Variants in CFAP58 observed in about 807,000 individuals in gnomAD.
CFAP58 encodes the protein cilia- and flagella-associated protein 58.
Under a neutral mutation model 119.5 loss-of-function variants are expected in CFAP58, and 88 were observed. That is an observed-to-expected ratio of 0.74 (90% CI 0.62 to 0.88). CFAP58 has a LOEUF of 0.88. Ranked by LOEUF, CFAP58 falls within the 40% of genes least tolerant of loss-of-function variation. The pLI is 0.00. For synonymous variants in CFAP58, 365 were observed against 366.3 expected (o/e 1.00, Z 0.04); for missense variants, 990 against 1,021.2 (o/e 0.97, Z 0.42).
intron 17 of CFAP58, 82 bp from the exon 18 acceptor site, chr10:104,454,340 C>A: frequency 9.1e-7 from 1 of 1,097,362 alleles, no homozygotes; most frequent in Non-Finnish European, 1.4e-6. Context: ...TTTTCAGTGG[C>A]TAACACACCC....
At chr10:104,441,336 TCA>T in intron 15 of CFAP58, among the ~76,000 whole-genome samples, 1 of 152,314 alleles carries the variant, frequency 6.6e-6, no homozygotes, top group East Asian at 1.9e-4. Context: ...CCTAGAACAG[TCA>T]CACACATAGA....
chr10:104,350,935 A>G (rs2014452388), upstream of CFAP58, among the ~76,000 whole-genome samples: 1 of 152,228 alleles, frequency 6.6e-6, no homozygotes. Context: ...GGACATGGGA[A>G]GACACACAGC....
At chr10:104,389,152 G>A (rs2011983969) in intron 9 of CFAP58, among the ~76,000 whole-genome samples, 3 of 152,058 alleles carry the variant, frequency 2.0e-5, no homozygotes, top group African/African-American at 7.2e-5. Flanking sequence ...CATGACTTTG[G>A]CCTGAATGAT....
chr10:104,365,878 TAGAGAAAG>T lies in CFAP58; in HGVS notation c.665_672del (p.Glu222AlafsTer44). The T allele has an allele frequency of 6.2e-7, 1 of 1,612,842 alleles. No individual in the cohort carries two copies. The highest frequency in any genetic ancestry group is 8.5e-7 in the Non-Finnish European group (1 of 1,179,632). On this transcript the variant is annotated frameshift_variant, in exon 5 of 18. Transcript: ENST00000369704. LOFTEE classifies it high-confidence loss of function. ...CGGGAGTTCCGGAAGAAGGAAAAACTAGAGAAAGAGCTCAAGCAGATTCAGGCAGACAT... is the reference window on the plus strand; with the variant it reads ...CGGGAGTTCCGGAAGAAGGAAAAACTAGCTCAAGCAGATTCAGGCAGACAT...
chr10:104,384,148 C>T (rs1427269498), intron 9 of CFAP58, among the ~76,000 whole-genome samples: 2 of 152,144 alleles, frequency 1.3e-5, no homozygotes, highest in Non-Finnish European at 2.9e-5. Flanking sequence ...AAGATGGGAA[C>T]ATGTTTCTAA....
At chr10:104,358,909 TA>T (rs1291982701) in intron 2 of CFAP58, among the ~76,000 whole-genome samples, 1 of 152,246 alleles carries the variant, frequency 6.6e-6, no homozygotes, top group East Asian at 1.9e-4. Flanking sequence ...GGAATCTCAA[TA>T]TATCTTATTT....
chr10:104,406,709 T>C lies in CFAP58; in HGVS notation c.2172T>C (p.Tyr724=). 1.2e-6 allele frequency: 2 copies of C among 1,614,194 alleles called. No homozygotes were observed. The highest frequency in any genetic ancestry group is 1.7e-6 in the Non-Finnish European group (2 of 1,180,028). ...RKLEASDPNA[Y]ELIQKIHTLQ... is the part of the protein sequence containing the mutation. ...GACAGGCCAGCGACCCCAATGCATATGAGCTGATACAGAAAATTCACACCC... is the reference window on the plus strand; with the variant it reads ...GACAGGCCAGCGACCCCAATGCATACGAGCTGATACAGAAAATTCACACCC... Residue 724 remains tyrosine (Y), a synonymous_variant, in exon 15 of 18, where the codon TAT becomes TAC. Coordinates refer to ENST00000369704, the MANE Select transcript of CFAP58 (RefSeq NM_001008723.2).
chr10:104,438,349 T>G lies in CFAP58; in HGVS notation c.2257-9349T>G, dbSNP rs967687519. On this transcript the variant is annotated intron_variant, in intron 15 of 17. Coordinates refer to ENST00000369704, the MANE Select transcript of CFAP58 (RefSeq NM_001008723.2). ...TTGTTTTTTTGTTTTTTGTTTTTTG[T>G]TTTTTTTTTTTGTTTTTTTTTTTTG... is the stretch of plus-strand genomic sequence containing the variant. Among the ~76,000 whole-genome samples, 9 of 76,928 alleles carry G rather than the reference T, an allele frequency of 1.2e-4. 1 individual carries two copies. The highest frequency in any genetic ancestry group is 6.4e-4 in the African/African-American group (7 of 11,022). The allele number at this position is 76,928 out of a possible 152,430, so 50.5% of individuals were successfully genotyped here.
intron 3 of CFAP58, among the ~76,000 whole-genome samples, chr10:104,364,427 AACACAC>A (rs66757511): frequency 0.03 from 4,329 of 142,130 alleles, 82 homozygotes; most frequent in South Asian, 0.07. Context: ...ATGTCTGTAA[AACACAC>A]ACACACACAC....
At chr10:104,379,814 G>A (rs1432803046) in intron 8 of CFAP58, among the ~76,000 whole-genome samples, 2 of 152,190 alleles carry the variant, frequency 1.3e-5, no homozygotes, top group Non-Finnish European at 2.9e-5. Flanking sequence ...TTTCTTAGGG[G>A]CGTTGTGGTT....
intron 15 of CFAP58, among the ~76,000 whole-genome samples, chr10:104,425,255 T>G (rs1286589856): frequency 6.6e-6 from 1 of 152,164 alleles, no homozygotes; most frequent in Non-Finnish European, 1.5e-5. Flanking sequence ...TGGAAACAAA[T>G]GAAAAGGGCA....
intron 1 of CFAP58, among the ~76,000 whole-genome samples, chr10:104,357,539 G>A (rs77039345): frequency 0.012 from 1,765 of 152,234 alleles, 44 homozygotes; most frequent in African/African-American, 0.041. Context: ...GCAGGGCCCA[G>A]TGAAAAGAGA....
At chr10:104,346,094 G>GA in the CFAP58 span, among the ~76,000 whole-genome samples, 1 of 151,970 alleles carries the variant, frequency 6.6e-6, no homozygotes, top group Non-Finnish European at 1.5e-5. Context: ...GGTGGAAGGC[G>GA]AAGTGTGAGC....
chr10:104,420,155 G>C (rs1290526022), intron 15 of CFAP58, among the ~76,000 whole-genome samples: 1 of 150,148 alleles, frequency 6.7e-6, no homozygotes, highest in Non-Finnish European at 1.5e-5. Context: ...ATTGTGTTCA[G>C]CTTCATTAAG....
chr10:104,386,383 A>T (rs12264774), intron 9 of CFAP58, among the ~76,000 whole-genome samples: 4,789 of 149,878 alleles, frequency 0.032, 237 homozygotes, highest in African/African-American at 0.11. Context: ...ATCTCAAAAA[A>T]AAAAAAATAA....
chr10:104,431,703 C>T (rs2012850229), intron 15 of CFAP58, among the ~76,000 whole-genome samples: 1 of 152,118 alleles, frequency 6.6e-6, no homozygotes, highest in African/African-American at 2.4e-5. Context: ...TCTGCCTTTT[C>T]CAGAGGCAAC....
intron 16 of CFAP58, among the ~76,000 whole-genome samples, chr10:104,448,398 T>C (rs1020088358): frequency 2.6e-5 from 4 of 152,258 alleles, no homozygotes; most frequent in African/African-American, 9.6e-5. Flanking sequence ...TGCAGAGATA[T>C]GGAGTGTTTT....
intron 15 of CFAP58, among the ~76,000 whole-genome samples, chr10:104,420,751 ATTTT>A (rs66462966): frequency 4.1e-5 from 5 of 121,620 alleles, no homozygotes; most frequent in Admixed American, 8.4e-5. Context: ...TTTATATTTG[ATTTT>A]TTTTTTTTTT....
intron 15 of CFAP58, among the ~76,000 whole-genome samples, chr10:104,424,298 A>G (rs2012707912): frequency 6.6e-6 from 1 of 151,918 alleles, no homozygotes; most frequent in Non-Finnish European, 1.5e-5. Context: ...ATATCATCAG[A>G]CTCAGTTTGC....
Sources: allele counts gnomAD v4.1 joint callset (sites outside exome capture counted in the v4.1 genomes callset), GRCh38; gene constraint gnomAD v4.1.1; transcripts MANE v1.5; gene names NCBI Gene and HGNC (gene_info 2026-07-23, HGNC 2026-07-21).